The following SCNN1G variants were observed in gnomAD, a reference collection of about 807,000 sequenced individuals.
SCNN1G encodes the protein epithelial sodium channel subunit gamma.
In SCNN1G, 27 loss-of-function variants were observed where a neutral mutation model predicts 64.6. The observed-to-expected ratio is 0.42, with a 90% confidence interval of 0.31 to 0.58. SCNN1G has a LOEUF of 0.58. SCNN1G is among the 20% of genes least tolerant of loss of function. SCNN1G has a pLI of 0.18. For synonymous variants in SCNN1G, 330 were observed against 314.2 expected, an observed-to-expected ratio of 1.05 and a Z score of -0.53; for missense variants, 743 against 823.4, an observed-to-expected ratio of 0.90 and a Z score of 1.19.
chr16:23,199,057 G>T (rs1335595887), intron 6 of SCNN1G, among the ~76,000 whole-genome samples: 1 of 151,864 alleles, frequency 6.6e-6, no homozygotes, highest in Non-Finnish European at 1.5e-5. Context: ...TAAAGAGAGT[G>T]TCCACACCAA....
intron 6 of SCNN1G, among the ~76,000 whole-genome samples, chr16:23,202,968 G>A (rs569487618): frequency 1.3e-5 from 2 of 152,272 alleles, no homozygotes; most frequent in South Asian, 2.1e-4. Flanking sequence ...GAAAACCTTG[G>A]GGGGTAATTG....
intron 3 of SCNN1G, 103 bp downstream of exon 3, chr16:23,189,774 A>T: frequency 8.7e-7 from 1 of 1,150,458 alleles, no homozygotes; most frequent in Non-Finnish European, 1.3e-6. Context: ...CAACTGGAAG[A>T]AATACACCCA....
intron 6 of SCNN1G, among the ~76,000 whole-genome samples, chr16:23,204,348 G>GAT (rs1473972479): frequency 5.0e-5 from 6 of 119,934 alleles, no homozygotes; most frequent in Non-Finnish European, 1.1e-4. Flanking sequence ...GAGAGAGAGA[G>GAT]AGAGAGAGAG....
chr16:23,196,917 C>G (rs1959804563), intron 5 of SCNN1G, among the ~76,000 whole-genome samples: 1 of 152,212 alleles, frequency 6.6e-6, no homozygotes, highest in African/African-American at 2.4e-5. Flanking sequence ...AATGCATCTT[C>G]TTTTGAATGT....
intron 7 of SCNN1G, among the ~76,000 whole-genome samples, chr16:23,210,467 G>A (rs1012072399): frequency 6.6e-6 from 1 of 152,152 alleles, no homozygotes; most frequent in East Asian, 1.9e-4. Context: ...AATGAAGCAG[G>A]TGTTCTCTGG....
At chr16:23,207,449 G>T (rs1960008362) in intron 6 of SCNN1G, among the ~76,000 whole-genome samples, 1 of 152,234 alleles carries the variant, frequency 6.6e-6, no homozygotes, top group South Asian at 2.1e-4. Flanking sequence ...GCCACTGCTT[G>T]GCATCTTTGC....
intron 6 of SCNN1G, among the ~76,000 whole-genome samples, chr16:23,209,497 A>G (rs1960044364): frequency 6.6e-6 from 1 of 152,092 alleles, no homozygotes; most frequent in Non-Finnish European, 1.5e-5. Flanking sequence ...CTTGCTGACC[A>G]TTTGTTTACC....
chr16:23,193,133 A>G (rs1475537527), intron 4 of SCNN1G, among the ~76,000 whole-genome samples: 1 of 151,396 alleles, frequency 6.6e-6, no homozygotes. Context: ...CACAAAAGTA[A>G]TTGCTGTTTT....
At position 23,186,549 on chromosome 16, in the gene SCNN1G, A is replaced by G; in HGVS notation, c.278A>G (p.Asp93Gly). 6.2e-7 allele frequency: 1 copy of G among 1,613,508 alleles called. No homozygotes were observed. ...ATCAAAGTCCACTTCCGGAAGCTGG[A>G]TTTTCCTGCAGTCACCATCTGCAAC... is the stretch of plus-strand genomic sequence containing the variant. ...VSIKVHFRKL[D>G]FPAVTICNIN... The change falls in exon 2 of 13, where the codon GAT becomes GGT. Residue 93 changes from aspartate (D) to glycine (G), a missense_variant. Coordinates refer to ENST00000300061, the MANE Select transcript of SCNN1G (RefSeq NM_001039.4).
chr16:23,201,246 G>A (rs548362881), intron 6 of SCNN1G, among the ~76,000 whole-genome samples: 54 of 152,276 alleles, frequency 3.5e-4, no homozygotes, highest in African/African-American at 1.1e-3. Context: ...GATTTGCAGC[G>A]CATCCTTCCC....
chr16:23,210,111 A>G (rs549398713), intron 7 of SCNN1G, among the ~76,000 whole-genome samples: 1 of 152,314 alleles, frequency 6.6e-6, no homozygotes, highest in Non-Finnish European at 1.5e-5. Flanking sequence ...AGGCCTTGGC[A>G]AGGGAGGAAC....
At chr16:23,194,114 A>G (rs1270326576) in intron 4 of SCNN1G, 57 bp from the exon 5 acceptor site, 1 of 1,220,314 alleles carries the variant, frequency 8.2e-7, no homozygotes, top group African/African-American at 1.5e-5. Flanking sequence ...GCCCTGCCCA[A>G]CTTCAGCTAA....
At chr16:23,213,703 A>G (rs1343273262) in intron 11 of SCNN1G, among the ~76,000 whole-genome samples, 5 of 152,208 alleles carry the variant, frequency 3.3e-5, no homozygotes, top group Non-Finnish European at 4.4e-5. Context: ...CATGAGAGCC[A>G]ATCTGGCCAA....
chr16:23,198,016 TACAA>T (rs1193365784), intron 6 of SCNN1G, among the ~76,000 whole-genome samples: 1 of 152,200 alleles, frequency 6.6e-6, no homozygotes, highest in East Asian at 1.9e-4. Context: ...TTGTCAGTAA[TACAA>T]ACAGATAAGA....
At chr16:23,213,030 G>A in intron 10 of SCNN1G, 72 bp from the exon 11 acceptor site, 1 of 1,536,036 alleles carries the variant, frequency 6.5e-7, no homozygotes, top group Non-Finnish European at 9.0e-7. Context: ...GACAAGTTGG[G>A]GAGCCTGAGG....
intron 6 of SCNN1G, among the ~76,000 whole-genome samples, chr16:23,203,865 G>A (rs936581527): frequency 1.3e-5 from 2 of 150,472 alleles, no homozygotes; most frequent in African/African-American, 4.9e-5. Context: ...CTGCCTCAGT[G>A]ATCTCATCTG....
intron 5 of SCNN1G, 88 bp from the exon 6 acceptor site, chr16:23,197,176 G>A: frequency 9.1e-7 from 1 of 1,099,686 alleles, no homozygotes; most frequent in Non-Finnish European, 1.4e-6. Flanking sequence ...TCTTGGGTTT[G>A]AAGCTCCTGA....
In SCNN1G at chr16:23,192,506, T is replaced by C; in HGVS notation, c.773T>C (p.Val258Ala). The change falls in exon 4 of 13, where the codon GTG becomes GCG. Residue 258 changes from valine to alanine, a missense_variant. Transcript: ENST00000300061. ...NMSYSAEELL[V>A]TCFFDGVSCD... ...AGCTATTCTGCTGAGGAGCTGCTGG[T>C]GACCTGCTTCTTTGATGGAGTGTCC... is the stretch of plus-strand genomic sequence containing the variant. The C allele has an allele frequency of 2.5e-6, 4 of 1,612,756 alleles. No individual in the cohort carries two copies. Among genetic ancestry groups the C allele is most frequent in the East Asian group, 4.5e-5 (2 of 44,862 alleles).
intron 12 of SCNN1G, 78 bp downstream of exon 12, chr16:23,214,865 T>A: frequency 7.6e-7 from 1 of 1,322,364 alleles, no homozygotes; most frequent in Non-Finnish European, 1.1e-6. Flanking sequence ...GGGAGCAGAA[T>A]CAGGGTAGGG....
Sources: allele counts gnomAD v4.1 joint callset (sites outside exome capture counted in the v4.1 genomes callset), GRCh38; gene constraint gnomAD v4.1.1; transcripts MANE v1.5; gene names NCBI Gene and HGNC (gene_info 2026-07-23, HGNC 2026-07-21).